DIS3L2: variants seen among roughly 807,000 people sequenced by gnomAD.
The protein encoded by DIS3L2 is DIS3 like 3'-5' exoribonuclease 2.
DIS3L2 carries 34 observed loss-of-function variants against 97.5 expected under a neutral mutation model. That is an observed-to-expected ratio of 0.35 (90% CI 0.27 to 0.46). The LOEUF is 0.46. Ranked by LOEUF, DIS3L2 falls within the 20% of genes least tolerant of loss-of-function variation. The pLI is 1.00. For synonymous variants in DIS3L2, 435 were observed against 445.2 expected (o/e 0.98, Z 0.29); for missense variants, 1,038 against 1,146.0 (o/e 0.91, Z 1.36).
intron 20 of DIS3L2, chr2:232,336,124 G>A: frequency 3.3e-6 from 5 of 1,538,436 alleles, no homozygotes; most frequent in Non-Finnish European, 3.5e-6. Flanking sequence ...GCTAATGCAG[G>A]GGTGCTGGCC....
At chr2:232,337,564 C>A (rs1696001200), downstream of DIS3L2, among the ~76,000 whole-genome samples, 1 of 152,144 alleles carries the variant, frequency 6.6e-6, no homozygotes, top group Admixed American at 6.5e-5. Context: ...GGCCACTGGG[C>A]AGTCCCTTCC....
chr2:232,328,338 T>G (rs1575022036), intron 14 of DIS3L2, among the ~76,000 whole-genome samples: 1 of 152,220 alleles, frequency 6.6e-6, no homozygotes, highest in African/African-American at 2.4e-5. Flanking sequence ...CTCCAGGTGG[T>G]GCCTGCCCTC....
chr2:232,068,463 T>TC, intron 5 of DIS3L2, among the ~76,000 whole-genome samples: 1 of 150,842 alleles, frequency 6.6e-6, no homozygotes, highest in East Asian at 1.9e-4. Context: ...CATGCAATAG[T>TC]CCCAGCTACT....
intron 6 of DIS3L2, among the ~76,000 whole-genome samples, chr2:232,107,083 A>G (rs958946927): frequency 2.6e-5 from 4 of 152,234 alleles, no homozygotes; most frequent in African/African-American, 7.2e-5. Context: ...ATGATCCAGT[A>G]TCTCTGGGAT....
chr2:231,978,752 A>G (rs1413577101), intron 1 of DIS3L2: 4 of 152,226 alleles, frequency 2.6e-5, no homozygotes, highest in Admixed American at 6.5e-5. Context: ...CTGCTCCTCA[A>G]ATAGGTGTGG....
chr2:232,155,972 A>G (rs1407791426), intron 8 of DIS3L2, among the ~76,000 whole-genome samples: 1 of 151,960 alleles, frequency 6.6e-6, no homozygotes, highest in Non-Finnish European at 1.5e-5. Flanking sequence ...CCTGGGCGAC[A>G]GAGTGAGACT....
At chr2:232,210,479 G>A (rs764785786) in intron 10 of DIS3L2, 74 bp downstream of exon 10, 13 of 1,369,494 alleles carry the variant, frequency 9.5e-6, no homozygotes, top group South Asian at 2.3e-5. Flanking sequence ...TGGCTGCCCT[G>A]TGCTGCCTAG....
At chr2:232,296,052 A>G (rs370282503) in intron 13 of DIS3L2, among the ~76,000 whole-genome samples, 34 of 152,354 alleles carry the variant, frequency 2.2e-4, no homozygotes, top group African/African-American at 7.5e-4. Context: ...TATGTTCAGC[A>G]GCCTACTGGC....
intron 6 of DIS3L2, among the ~76,000 whole-genome samples, chr2:232,103,748 A>G (rs1181804268): frequency 2.6e-5 from 4 of 152,318 alleles, no homozygotes; most frequent in African/African-American, 9.6e-5. Flanking sequence ...CATATTCTCA[A>G]TGATTGAAGC....
chr2:232,092,790 G>C (rs1455867470), intron 6 of DIS3L2, among the ~76,000 whole-genome samples: 2 of 152,078 alleles, frequency 1.3e-5, no homozygotes, highest in African/African-American at 4.8e-5. Flanking sequence ...TAGTTTTTTG[G>C]TGAAGTCTTT....
intron 14 of DIS3L2, among the ~76,000 whole-genome samples, chr2:232,315,530 C>G (rs879621850): frequency 2.6e-5 from 4 of 151,974 alleles, no homozygotes; most frequent in Admixed American, 1.3e-4. Context: ...GATCTGTCTT[C>G]ACTGCCACTC....
chr2:231,994,079 G>GAT (rs1693661942), intron 1 of DIS3L2, among the ~76,000 whole-genome samples: 1 of 123,392 alleles, frequency 8.1e-6, no homozygotes, highest in South Asian at 2.6e-4. Context: ...TTTTTTGTTG[G>GAT]TTTTTTTTTT....
At chr2:232,265,221 TC>T (rs1313150785) in intron 13 of DIS3L2, among the ~76,000 whole-genome samples, 1 of 152,162 alleles carries the variant, frequency 6.6e-6, no homozygotes, top group East Asian at 1.9e-4. Flanking sequence ...TCTTTGTACA[TC>T]TCCAGTAATG....
chr2:232,333,757 G>GAT lies in DIS3L2; in HGVS notation c.2011-83_2011-82insAT. ...GTCTGTCCACACATCGCTGCCGACG[G>GAT]TGAGGCTGTGGGTGGTGCCAGCCTT... On this transcript the variant is annotated intron_variant, in intron 16 of 20. Coordinates refer to ENST00000325385, the MANE Select transcript of DIS3L2 (RefSeq NM_152383.5). 5.0e-6 allele frequency: 7 copies of GAT among 1,393,492 alleles called. No individual in the cohort carries two copies. In the Admixed American group the frequency reaches 7.9e-5, roughly 16 times the overall value. The allele number at this position is 1,393,492 out of a possible 1,614,324, so 86.3% of individuals were successfully genotyped here.
At chr2:232,102,801 C>A (rs1697243930) in intron 6 of DIS3L2, among the ~76,000 whole-genome samples, 1 of 152,076 alleles carries the variant, frequency 6.6e-6, no homozygotes, top group Non-Finnish European at 1.5e-5. Flanking sequence ...CATCTTTGGC[C>A]CTGAAGTAAC....
At chr2:232,142,132 A>C (rs565115463) in intron 8 of DIS3L2, among the ~76,000 whole-genome samples, 74 of 152,132 alleles carry the variant, frequency 4.9e-4, no homozygotes, top group African/African-American at 1.5e-3. Context: ...ATGGACTCGC[A>C]TTACCAGATC....
At chr2:232,333,756 G>GATC in intron 16 of DIS3L2, 84 bp from the exon 17 acceptor site, 16 of 1,487,184 alleles carry the variant, frequency 1.1e-5, no homozygotes, top group Admixed American at 6.8e-5. Context: ...CGCTGCCGAC[G>GATC]GTGAGGCTGT....
chr2:232,256,820 A>G (rs982123636), intron 12 of DIS3L2, among the ~76,000 whole-genome samples: 1 of 152,144 alleles, frequency 6.6e-6, no homozygotes. Flanking sequence ...ATGAATGAAT[A>G]AATAAATAAA....
At chr2:232,335,944 C>G (rs1695930089) in intron 20 of DIS3L2, 70 bp downstream of exon 20, 9 of 1,546,108 alleles carry the variant, frequency 5.8e-6, no homozygotes, top group Non-Finnish European at 7.0e-6. Flanking sequence ...CGGTGCCCCT[C>G]ATTCCTTCAT....
Sources: gnomAD v4.1 joint callset for allele counts (sites outside exome capture counted in the v4.1 genomes callset) on GRCh38, gnomAD v4.1.1 for gene constraint, MANE v1.5 for transcripts, NCBI Gene and HGNC (gene_info 2026-07-23, HGNC 2026-07-21) for gene names.